ARL15: variants seen among roughly 807,000 people sequenced by gnomAD.
ARL15 encodes ARF like GTPase 15.
ARL15 carries 19 observed loss-of-function variants against 25.2 expected under a neutral mutation model. The ratio of observed to expected loss-of-function variants is 0.75; its 90% CI spans 0.53 to 1.10. The LOEUF (loss-of-function observed/expected upper bound fraction) is 1.10, where lower values mean the gene tolerates loss of function less well. Among genes scored for constraint, ARL15 ranks in the 50% least tolerant of loss-of-function variants. The pLI, the probability that ARL15 is intolerant of heterozygous loss-of-function variation, is 0.00. For missense variants in ARL15, 220 were observed against 246.0 expected (o/e 0.89, Z 0.71); for synonymous variants, 94 against 86.8 (o/e 1.08, Z -0.46).
chr5:53,948,148 G>C (rs1174619165), intron 4 of ARL15, among the ~76,000 whole-genome samples: 3 of 152,184 alleles, frequency 2.0e-5, no homozygotes, highest in Admixed American at 2.0e-4. Context: ...GGAAACTTGA[G>C]ATAATGACAG....
intron 4 of ARL15, among the ~76,000 whole-genome samples, chr5:54,034,780 T>A (rs1314244442): frequency 6.6e-6 from 1 of 151,678 alleles, no homozygotes; most frequent in East Asian, 1.9e-4. Context: ...CACCTCAGCC[T>A]CCTGAGTAGC....
chr5:54,198,235 C>A (rs1430509870), intron 1 of ARL15, among the ~76,000 whole-genome samples: 1 of 152,052 alleles, frequency 6.6e-6, no homozygotes, highest in Admixed American at 6.6e-5. Flanking sequence ...AAAACTGGCA[C>A]AAGACAGGGA....
intron 4 of ARL15, among the ~76,000 whole-genome samples, chr5:53,952,633 T>C (rs1265212418): frequency 6.6e-6 from 1 of 152,184 alleles, no homozygotes; most frequent in Non-Finnish European, 1.5e-5. Context: ...TTTATCTCTC[T>C]AGGGAAATAC....
Position 54,014,176 on chromosome 5 carries a change from T to G in ARL15, c.462+99026A>C, listed in dbSNP as rs567898305. ...TGTTTAACAAACAAATGAAGGATCATAGGGAACTTCACCCCAAAACACTAC... is the reference window on the plus strand; with the variant it reads ...TGTTTAACAAACAAATGAAGGATCAGAGGGAACTTCACCCCAAAACACTAC... On this transcript the variant is annotated intron_variant, in intron 4 of 4. Transcript: ENST00000504924. Among the ~76,000 whole-genome samples, 43 of 152,298 alleles carry G rather than the reference T, an allele frequency of 2.8e-4. No homozygotes were observed. In the South Asian group the frequency reaches 8.5e-3, roughly 30 times the overall value.
At chr5:54,192,179 T>C (rs1175841244) in intron 1 of ARL15, among the ~76,000 whole-genome samples, 1 of 151,912 alleles carries the variant, frequency 6.6e-6, no homozygotes, top group African/African-American at 2.4e-5. Flanking sequence ...GTTGTTTGGG[T>C]CTTTGCTCAC....
Position 54,297,313 on chromosome 5 carries a change from G to A in ARL15, c.48+13119C>T, listed in dbSNP as rs191093117. On this transcript the variant is annotated intron_variant, in intron 1 of 4. Transcript: ENST00000504924. ...GTCCTGCCAGCTTCAGGTTCCTGGG[G>A]CAGAGAATTGGTAGTTTGAAGTGCT... Among the ~76,000 whole-genome samples the A allele has an allele frequency of 1.4e-3, 217 of 152,364 alleles. 2 individuals carry two copies. The highest frequency in any genetic ancestry group is 6.8e-3 in the Middle Eastern group (2 of 294).
intron 1 of ARL15, among the ~76,000 whole-genome samples, chr5:54,257,693 T>C (rs1454566685): frequency 1.3e-5 from 2 of 152,186 alleles, no homozygotes; most frequent in African/African-American, 4.8e-5. Flanking sequence ...TGGTAAGAAA[T>C]AACCCAAGTA....
intron 4 of ARL15, among the ~76,000 whole-genome samples, chr5:53,909,906 C>A (rs1241988072): frequency 6.6e-6 from 1 of 152,156 alleles, no homozygotes; most frequent in Non-Finnish European, 1.5e-5. Context: ...ACATTCTCCT[C>A]ATATAATAGT....
At chr5:54,194,158 T>A (rs1755486980) in intron 1 of ARL15, among the ~76,000 whole-genome samples, 1 of 152,116 alleles carries the variant, frequency 6.6e-6, no homozygotes, top group East Asian at 1.9e-4. Flanking sequence ...CTTCATAATT[T>A]AGCTCTATAT....
At chr5:53,938,019 C>T (rs1017007290) in intron 4 of ARL15, among the ~76,000 whole-genome samples, 17 of 152,214 alleles carry the variant, frequency 1.1e-4, no homozygotes, top group South Asian at 2.1e-4. Flanking sequence ...GAAATAACAG[C>T]GTTCATTATG....
chr5:54,011,118 C>T (rs761397891), intron 4 of ARL15, among the ~76,000 whole-genome samples: 1 of 152,038 alleles, frequency 6.6e-6, no homozygotes. Flanking sequence ...AAAAAGCCCT[C>T]CGTGAGCAGA....
At chr5:54,067,889 C>T (rs1300943994) in intron 4 of ARL15, among the ~76,000 whole-genome samples, 1 of 152,138 alleles carries the variant, frequency 6.6e-6, no homozygotes, top group African/African-American at 2.4e-5. Context: ...ATTCACTCAC[C>T]AAAAACTTAC....
intron 3 of ARL15, among the ~76,000 whole-genome samples, chr5:54,130,930 G>A (rs996404214): frequency 6.6e-6 from 1 of 152,164 alleles, no homozygotes; most frequent in African/African-American, 2.4e-5. Context: ...GAGAAAATGG[G>A]CAGAACACAA....
At chr5:54,140,261 A>C (rs1753729189) in intron 3 of ARL15, among the ~76,000 whole-genome samples, 1 of 151,998 alleles carries the variant, frequency 6.6e-6, no homozygotes, top group Admixed American at 6.6e-5. Flanking sequence ...TGAAAGAAAA[A>C]AAAAAAAAAA....
chr5:53,924,843 A>ATGC (rs1745967997), intron 4 of ARL15, among the ~76,000 whole-genome samples: 1 of 152,188 alleles, frequency 6.6e-6, no homozygotes, highest in African/African-American at 2.4e-5. Context: ...TATCAAATAC[A>ATGC]ATGTAATTTG....
intron 4 of ARL15, among the ~76,000 whole-genome samples, chr5:53,934,472 A>G (rs1746296212): frequency 6.6e-6 from 1 of 152,198 alleles, no homozygotes; most frequent in African/African-American, 2.4e-5. Flanking sequence ...AGAGCTCTTA[A>G]ATAAACTTGA....
intron 1 of ARL15, among the ~76,000 whole-genome samples, chr5:54,288,582 G>A (rs925687753): frequency 2.0e-5 from 3 of 152,342 alleles, no homozygotes; most frequent in Middle Eastern, 3.4e-3. Context: ...TCTTTTGGAC[G>A]TGGGGGCCAA....
intron 1 of ARL15, among the ~76,000 whole-genome samples, chr5:54,278,747 G>A (rs1390573594): frequency 6.6e-6 from 1 of 152,078 alleles, no homozygotes; most frequent in East Asian, 1.9e-4. Flanking sequence ...CCTGAGTTAA[G>A]GCCCTTTAAA....
intron 4 of ARL15, among the ~76,000 whole-genome samples, chr5:53,918,536 T>C: frequency 6.6e-6 from 1 of 152,218 alleles, no homozygotes; most frequent in South Asian, 2.1e-4. Flanking sequence ...CATAATAATC[T>C]AAAAATATTT....
Sources: gnomAD v4.1 joint callset for allele counts (sites outside exome capture counted in the v4.1 genomes callset) on GRCh38, gnomAD v4.1.1 for gene constraint, MANE v1.5 for transcripts, NCBI Gene and HGNC (gene_info 2026-07-23, HGNC 2026-07-21) for gene names.